Variants in GPC3 observed in about 807,000 individuals in gnomAD.
The protein encoded by GPC3 is glypican-3.
Under a neutral mutation model 34.4 loss-of-function variants are expected in GPC3, and 3 were observed. The ratio of observed to expected loss-of-function variants is 0.09; its 90% CI spans 0.04 to 0.23. The LOEUF is 0.23. GPC3 is among the 10% of genes least tolerant of loss of function. The pLI is 1.00. For synonymous variants in GPC3, 177 were observed against 174.0 expected, an observed-to-expected ratio of 1.02 and a Z score of -0.13; for missense variants, 351 against 445.6, an observed-to-expected ratio of 0.79 and a Z score of 1.91.
chrX:133,923,359 T>G (rs747865745), intron 2 of GPC3, among the ~76,000 whole-genome samples: 1 of 111,552 alleles, frequency 9.0e-6, no homozygotes, highest in South Asian at 3.8e-4. Context: ...ATGGTAGGTC[T>G]CAGACACTGC....
intron 3 of GPC3, among the ~76,000 whole-genome samples, chrX:133,737,285 G>A (rs1463063277): frequency 8.9e-6 from 1 of 112,014 alleles, no homozygotes; most frequent in East Asian, 2.8e-4. Flanking sequence ...GTGGATACAT[G>A]CCATTATACA....
chrX:133,877,967 T>C (rs1011673772), intron 2 of GPC3, among the ~76,000 whole-genome samples: 1 of 111,850 alleles, frequency 8.9e-6, no homozygotes, highest in Non-Finnish European at 1.9e-5. Flanking sequence ...TTTTATGTTT[T>C]TTTTTAATAT....
At chrX:133,748,812 G>A (rs947188501) in intron 3 of GPC3, among the ~76,000 whole-genome samples, 1 of 111,755 alleles carries the variant, frequency 8.9e-6, no homozygotes, top group Non-Finnish European at 1.9e-5. Context: ...CCATTTTATA[G>A]ATGAAGAATT....
At chrX:133,776,323 T>C (rs775620913) in intron 2 of GPC3, among the ~76,000 whole-genome samples, 29 of 111,221 alleles carry the variant, frequency 2.6e-4, no homozygotes, top group Non-Finnish European at 4.5e-4. Context: ...ACAATCCCCA[T>C]GTCTCAGCCC....
intron 1 of GPC3, among the ~76,000 whole-genome samples, chrX:133,981,897 G>T (rs917970016): frequency 8.9e-6 from 1 of 111,922 alleles, no homozygotes; most frequent in Non-Finnish European, 1.9e-5. Flanking sequence ...ATTGGTTCTC[G>T]CACTTTCCAA....
intron 2 of GPC3, among the ~76,000 whole-genome samples, chrX:133,767,588 A>C (rs2071862214): frequency 9.0e-6 from 1 of 111,578 alleles, no homozygotes; most frequent in Non-Finnish European, 1.9e-5. Flanking sequence ...AGTTTCCTGC[A>C]GGGTATTCCA....
intron 5 of GPC3, chrX:133,671,361 G>A: frequency 3.4e-6 from 2 of 583,446 alleles, no homozygotes; most frequent in Non-Finnish European, 6.1e-6. Flanking sequence ...GCCAATGTTG[G>A]TGCTGGCAAA....
At chrX:133,854,442 G>A (rs771852049) in intron 2 of GPC3, among the ~76,000 whole-genome samples, 1 of 111,912 alleles carries the variant, frequency 8.9e-6, no homozygotes, top group East Asian at 2.8e-4. Flanking sequence ...TGGGGGTTAT[G>A]GGGGATGCAG....
chrX:133,871,859 T>C (rs1196237223), intron 2 of GPC3, among the ~76,000 whole-genome samples: 1 of 112,137 alleles, frequency 8.9e-6, no homozygotes, highest in Non-Finnish European at 1.9e-5. Context: ...AAGTAAGACA[T>C]AAGACATAAG....
chrX:133,793,384 A>T (rs192152384), intron 2 of GPC3, among the ~76,000 whole-genome samples: 315 of 112,255 alleles, frequency 2.8e-3, no homozygotes, highest in South Asian at 7.5e-3. Context: ...AAAACATTTA[A>T]TATGAATTTT....
At chrX:133,814,156 A>G (rs1297249118) in intron 2 of GPC3, among the ~76,000 whole-genome samples, 2 of 111,311 alleles carry the variant, frequency 1.8e-5, no homozygotes, top group Admixed American at 9.6e-5. Flanking sequence ...GAAATATGTC[A>G]GTTGGCATGG....
At chrX:133,754,895 C>T (rs1301045338) in intron 2 of GPC3, among the ~76,000 whole-genome samples, 2 of 112,161 alleles carry the variant, frequency 1.8e-5, no homozygotes, top group Non-Finnish European at 3.8e-5. Context: ...TACTAAGCTT[C>T]CTTGCTAAGT....
chrX:133,708,157 C>A (rs2071234712), intron 3 of GPC3, among the ~76,000 whole-genome samples: 1 of 111,464 alleles, frequency 9.0e-6, no homozygotes, highest in Non-Finnish European at 1.9e-5. Flanking sequence ...ATAAATATAC[C>A]AAATATGTTT....
chrX:133,783,470 G>C (rs908266939), intron 2 of GPC3, among the ~76,000 whole-genome samples: 4 of 112,035 alleles, frequency 3.6e-5, no homozygotes, highest in African/African-American at 6.5e-5. Context: ...TGATTGCCTT[G>C]CTTCTCCTTT....
At chrX:133,586,457 A>G (rs1378177494) in intron 7 of GPC3, among the ~76,000 whole-genome samples, 1 of 111,594 alleles carries the variant, frequency 9.0e-6, no homozygotes, top group Non-Finnish European at 1.9e-5. Flanking sequence ...ATGACATTTG[A>G]TCTCTAAAAG....
chrX:133,980,208 T>G (rs757039777), intron 1 of GPC3, among the ~76,000 whole-genome samples: 2 of 112,149 alleles, frequency 1.8e-5, no homozygotes, highest in Non-Finnish European at 3.8e-5. Context: ...TACTCAAAAT[T>G]TAATAAGCCC....
chrX:133,705,722 T>C (rs2071209929), intron 3 of GPC3, among the ~76,000 whole-genome samples: 1 of 112,314 alleles, frequency 8.9e-6, no homozygotes, highest in African/African-American at 3.2e-5. Flanking sequence ...ACCTTACCTA[T>C]AATTGGAGGA....
intron 3 of GPC3, among the ~76,000 whole-genome samples, chrX:133,732,048 T>C (rs2071467234): frequency 8.9e-6 from 1 of 112,102 alleles, no homozygotes; most frequent in South Asian, 3.7e-4. Flanking sequence ...TTCTGGCTAA[T>C]ACTTAAGCTG....
rs770558817 is a variant in GPC3, at chrX:133,547,387, G to T, written c.1574-11094C>A. On this transcript the variant is annotated intron_variant, in intron 7 of 7. Transcript: ENST00000370818. The stretch of plus-strand genomic sequence containing the variant: ...AAACCAAGAGATAACAGCATCTGGG[G>T]ATGCTCCCTAGTTCCTAAGGGGAGT... Among the ~76,000 whole-genome samples the T allele has an allele frequency of 4.5e-5, 5 of 111,312 alleles. No individual in the cohort carries two copies. The East Asian group carries it at 1.4e-3, about 32-fold the overall frequency.
Sources: gnomAD v4.1 joint callset for allele counts (sites outside exome capture counted in the v4.1 genomes callset) on GRCh38, gnomAD v4.1.1 for gene constraint, MANE v1.5 for transcripts, NCBI Gene and HGNC (gene_info 2026-07-23, HGNC 2026-07-21) for gene names.